Variants in RPS6KC1 observed in about 807,000 individuals in gnomAD.
RPS6KC1 encodes the protein inactive ribosomal protein S6 kinase delta-1.
A neutral mutation model predicts 103.8 loss-of-function variants in RPS6KC1; 54 were observed. The observed-to-expected ratio is 0.52, with a 90% CI of 0.42 to 0.65. The LOEUF (loss-of-function observed/expected upper bound fraction) is 0.65, where lower values mean the gene tolerates loss of function less well. Among genes scored for constraint, RPS6KC1 ranks in the 30% least tolerant of loss-of-function variants. The pLI is 0.00. For synonymous variants in RPS6KC1, 439 were observed against 438.7 expected, an observed-to-expected ratio of 1.00 and a Z score of -0.01; for missense variants, 1,151 against 1,253.8, an observed-to-expected ratio of 0.92 and a Z score of 1.24.
At chr1:213,066,662 G>A (rs1008985762) in intron 1 of RPS6KC1, among the ~76,000 whole-genome samples, 1 of 152,184 alleles carries the variant, frequency 6.6e-6, no homozygotes, top group African/African-American at 2.4e-5. Context: ...TTGCAGTCAA[G>A]GAGATGTCTC....
At chr1:213,505,004 C>T in the RPS6KC1 span, among the ~76,000 whole-genome samples, 1 of 152,274 alleles carries the variant, frequency 6.6e-6, no homozygotes, top group Non-Finnish European at 1.5e-5. Flanking sequence ...CCCACAACCC[C>T]CATCTATGGG....
chr1:213,372,231 T>C, the RPS6KC1 span, among the ~76,000 whole-genome samples: 10 of 152,312 alleles, frequency 6.6e-5, no homozygotes, highest in African/African-American at 2.4e-4. Context: ...CTGCACCACT[T>C]GGGCCGCGGC....
the RPS6KC1 span, among the ~76,000 whole-genome samples, chr1:213,596,489 A>G: frequency 6.6e-6 from 1 of 152,244 alleles, no homozygotes; most frequent in Non-Finnish European, 1.5e-5. Flanking sequence ...CTGGTTTTAC[A>G]TGGATTTGAC....
intron 8 of RPS6KC1, among the ~76,000 whole-genome samples, chr1:213,220,716 T>G (rs1156311436): frequency 2.0e-5 from 3 of 152,192 alleles, no homozygotes; most frequent in Non-Finnish European, 2.9e-5. Flanking sequence ...CTAACTACAT[T>G]TAAAATACAT....
chr1:213,823,611 C>G, the RPS6KC1 span, among the ~76,000 whole-genome samples: 1 of 152,066 alleles, frequency 6.6e-6, no homozygotes, highest in South Asian at 2.1e-4. Flanking sequence ...CTCTTCCCAA[C>G]AGAATGGAGG....
chr1:213,527,856 A>C, the RPS6KC1 span, among the ~76,000 whole-genome samples: 1 of 152,186 alleles, frequency 6.6e-6, no homozygotes, highest in South Asian at 2.1e-4. Flanking sequence ...TAGATGATGA[A>C]CATACATTTT....
At chr1:213,485,152 C>T in the RPS6KC1 span, among the ~76,000 whole-genome samples, 4 of 152,222 alleles carry the variant, frequency 2.6e-5, no homozygotes, top group East Asian at 1.9e-4. Flanking sequence ...AAGTGTGAGC[C>T]GCTGTGACTG....
chr1:213,791,959 C>T, the RPS6KC1 span, among the ~76,000 whole-genome samples: 5 of 152,162 alleles, frequency 3.3e-5, no homozygotes, highest in Admixed American at 2.0e-4. Context: ...ACATAGTACG[C>T]CATGTTCAGG....
At chr1:213,622,605 C>CAG in the RPS6KC1 span, among the ~76,000 whole-genome samples, 1 of 152,124 alleles carries the variant, frequency 6.6e-6, no homozygotes, top group African/African-American at 2.4e-5. Flanking sequence ...CCTTGACACT[C>CAG]TCTCTGAATA....
the RPS6KC1 span, among the ~76,000 whole-genome samples, chr1:213,296,665 C>A: frequency 6.6e-6 from 1 of 152,076 alleles, no homozygotes; most frequent in Non-Finnish European, 1.5e-5. Flanking sequence ...TCTATAGAGT[C>A]AGAATAGGAA....
the RPS6KC1 span, among the ~76,000 whole-genome samples, chr1:213,513,818 AAAGT>A: frequency 2.0e-5 from 3 of 152,254 alleles, no homozygotes; most frequent in African/African-American, 7.2e-5. Context: ...GCAATGACAC[AAAGT>A]AATACTGATA....
chr1:213,689,073 T>C, the RPS6KC1 span, among the ~76,000 whole-genome samples: 1 of 152,238 alleles, frequency 6.6e-6, no homozygotes, highest in Admixed American at 6.5e-5. Flanking sequence ...AATGTTATTC[T>C]GTGTGTTGAA....
chr1:213,761,721 C>T, the RPS6KC1 span, among the ~76,000 whole-genome samples: 6 of 152,276 alleles, frequency 3.9e-5, no homozygotes, highest in East Asian at 5.8e-4. Flanking sequence ...GTTCTTCAAA[C>T]GAGTTTTTCA....
chr1:213,783,010 T>C, the RPS6KC1 span, among the ~76,000 whole-genome samples: 1 of 152,194 alleles, frequency 6.6e-6, no homozygotes, highest in African/African-American at 2.4e-5. Flanking sequence ...TGGACTATTG[T>C]TATTATCATT....
At position 213,232,847 on chromosome 1, in the gene RPS6KC1, A is replaced by AT. The variant is rs200603229; in HGVS notation, c.1225+601dup. 2.3e-4 allele frequency among the ~76,000 whole-genome samples: 35 copies of AT among 151,012 alleles called. 1 individual carries two copies. The highest frequency in any genetic ancestry group is 7.3e-4 in the African/African-American group (30 of 41,194). ...AGGTGGCAAAAAATATAATGTTTTG[A>AT]TTTTTTTTTGCCCTTTAATACCTGA... On this transcript the variant is annotated intron_variant, in intron 10 of 14. Transcript: ENST00000366960.
At chr1:213,363,663 T>C in the RPS6KC1 span, among the ~76,000 whole-genome samples, 6 of 98,844 alleles carry the variant, frequency 6.1e-5, 1 homozygote, top group South Asian at 6.1e-4. Flanking sequence ...TCTTTCTTTC[T>C]TTCTTTCTTT....
chr1:213,076,846 A>T lies in RPS6KC1; in HGVS notation c.142-850A>T, dbSNP rs184117370. 7.2e-5 allele frequency among the ~76,000 whole-genome samples: 11 copies of T among 151,842 alleles called. No individual in the cohort carries two copies. In the East Asian group the frequency reaches 7.7e-4, roughly 11 times the overall value. Reference sequence around the variant, plus strand: ...CATGTTAATTGCTTGCTGCATAGCTACTTCTTCAGTGTTACTCAGTTTATC... The same window carrying T: ...CATGTTAATTGCTTGCTGCATAGCTTCTTCTTCAGTGTTACTCAGTTTATC... On this transcript the variant is annotated intron_variant, in intron 2 of 14. Transcript: ENST00000366960.
chr1:213,543,184 G>A, the RPS6KC1 span, among the ~76,000 whole-genome samples: 1 of 152,224 alleles, frequency 6.6e-6, no homozygotes, highest in Non-Finnish European at 1.5e-5. Context: ...GCTGAGTCTT[G>A]TTGAAAAGCT....
the RPS6KC1 span, among the ~76,000 whole-genome samples, chr1:213,311,208 C>G: frequency 0.015 from 2,276 of 151,692 alleles, 77 homozygotes; most frequent in East Asian, 0.096. Flanking sequence ...ACGCCATCTC[C>G]GCTCACTGCA....
Sources: allele counts gnomAD v4.1 joint callset (sites outside exome capture counted in the v4.1 genomes callset), GRCh38; gene constraint gnomAD v4.1.1; transcripts MANE v1.5; gene names NCBI Gene and HGNC (gene_info 2026-07-23, HGNC 2026-07-21).